TENM2: variants seen among roughly 807,000 people sequenced by gnomAD.
The protein encoded by TENM2 is teneurin transmembrane protein 2.
In TENM2, 52 loss-of-function variants were observed where a neutral mutation model predicts 245.2. The observed-to-expected ratio is 0.21, with a 90% CI of 0.17 to 0.27. The LOEUF (loss-of-function observed/expected upper bound fraction) is 0.27. Ranked by LOEUF, TENM2 falls within the 10% of genes least tolerant of loss-of-function variation. The pLI is 1.00. For synonymous variants in TENM2, 1,363 were observed against 1,438.9 expected (o/e 0.95, Z 1.19); for missense variants, 3,046 against 3,666.8 (o/e 0.83, Z 4.37).
chr5:167,353,340 G>GGA (rs1368511013), intron 1 of TENM2, among the ~76,000 whole-genome samples: 6 of 143,882 alleles, frequency 4.2e-5, no homozygotes, highest in Admixed American at 2.2e-4. Flanking sequence ...TGGTGGGGGT[G>GGA]CAGAAAGTTT....
chr5:167,223,823 CT>C, the TENM2 span, among the ~76,000 whole-genome samples: 32,254 of 152,034 alleles, frequency 0.21, 4,102 homozygotes, highest in African/African-American at 0.36. Flanking sequence ...TATATGTTCC[CT>C]TTTCCCCACA....
chr5:167,549,740 T>C (rs1271407795), intron 2 of TENM2, among the ~76,000 whole-genome samples: 1 of 152,202 alleles, frequency 6.6e-6, no homozygotes, highest in Admixed American at 6.5e-5. Context: ...CTTTGTGATG[T>C]GTTAGCTGTT....
chr5:167,372,485 A>G (rs1760498117), intron 1 of TENM2, among the ~76,000 whole-genome samples: 1 of 152,186 alleles, frequency 6.6e-6, no homozygotes, highest in South Asian at 2.1e-4. Context: ...AGTGCTCTTC[A>G]CAAAGCCTCC....
chr5:167,000,426 C>T, the TENM2 span, among the ~76,000 whole-genome samples: 11 of 152,204 alleles, frequency 7.2e-5, no homozygotes, highest in African/African-American at 2.2e-4. Flanking sequence ...TAATTGGGAA[C>T]GTATTTGAAA....
At chr5:167,021,779 A>G in the TENM2 span, among the ~76,000 whole-genome samples, 269 of 152,322 alleles carry the variant, frequency 1.8e-3, no homozygotes, top group African/African-American at 6.0e-3. Context: ...CTCTGGAGCC[A>G]GAACATCTGG....
chr5:168,126,971 A>G lies in TENM2; in HGVS notation c.2422+5A>G, dbSNP rs1795897213. ...AAACGGCAGGCACCGAAACAGGCAC[A>G]TATTGCTTTATTTTCATAAATTGTA... On this transcript the variant is annotated splice_donor_5th_base_variant and intron_variant, in intron 12 of 28. Coordinates refer to ENST00000518659, the Ensembl canonical transcript of TENM2. 6.3e-7 allele frequency: 1 copy of G among 1,593,248 alleles called. No homozygotes were observed. The highest frequency in any genetic ancestry group is 8.5e-7 in the Non-Finnish European group (1 of 1,169,982).
intron 7 of TENM2, among the ~76,000 whole-genome samples, chr5:168,069,981 TA>T (rs1305554384): frequency 6.6e-6 from 1 of 152,144 alleles, no homozygotes; most frequent in Non-Finnish European, 1.5e-5. Context: ...AGGGTGATTA[TA>T]AAAAACGTAA....
Position 168,219,834 on chromosome 5 carries a change from A to AAAAAAAAAAAAAAAAG in TENM2, c.5108+836_5108+851dup, listed in dbSNP as rs1763510321. 1.3e-5 allele frequency among the ~76,000 whole-genome samples: 2 copies of AAAAAAAAAAAAAAAAG among 150,608 alleles called. 1 individual carries two copies. The highest frequency in any genetic ancestry group is 4.9e-5 in the African/African-American group (2 of 40,934). ...GGAGAGTTGGCACAGCAAAAAAAAA[A>AAAAAAAAAAAAAAAAG]AAAAAAAAAAAAAAAGCGGGGGACA... On this transcript the variant is annotated intron_variant, in intron 23 of 28. Coordinates refer to ENST00000518659, the Ensembl canonical transcript of TENM2.
chr5:167,587,302 GA>G (rs1384409340), intron 2 of TENM2, among the ~76,000 whole-genome samples: 1 of 152,142 alleles, frequency 6.6e-6, no homozygotes, highest in African/African-American at 2.4e-5. Flanking sequence ...GGTTTAAATA[GA>G]ATTTTCAATA....
chr5:167,606,880 CTTAA>C (rs1483052657), intron 2 of TENM2, among the ~76,000 whole-genome samples: 3 of 152,132 alleles, frequency 2.0e-5, no homozygotes, highest in African/African-American at 7.2e-5. Flanking sequence ...TCATTTTCAC[CTTAA>C]TTAACCCACT....
chr5:167,219,716 C>T, the TENM2 span, among the ~76,000 whole-genome samples: 1 of 152,158 alleles, frequency 6.6e-6, no homozygotes, highest in African/African-American at 2.4e-5. Flanking sequence ...TTGAAATTTG[C>T]CTGAAAAGGC....
At chr5:167,275,060 GTTGT>G in the TENM2 span, among the ~76,000 whole-genome samples, 2 of 151,718 alleles carry the variant, frequency 1.3e-5, no homozygotes, top group African/African-American at 4.8e-5. Flanking sequence ...GGAGTTTTTT[GTTGT>G]TTGTTTCTTT....
chr5:167,232,100 A>G, the TENM2 span, among the ~76,000 whole-genome samples: 31,658 of 152,076 alleles, frequency 0.21, 3,856 homozygotes, highest in African/African-American at 0.34. Context: ...GGAAACACCT[A>G]GATGTCTAGG....
intron 1 of TENM2, among the ~76,000 whole-genome samples, chr5:167,298,930 T>C (rs1005117786): frequency 1.3e-5 from 2 of 151,860 alleles, no homozygotes; most frequent in African/African-American, 4.8e-5. Context: ...GGATGACAAG[T>C]TTTTGGGGGC....
intron 2 of TENM2, among the ~76,000 whole-genome samples, chr5:167,558,904 A>T (rs868358399): frequency 1.8e-4 from 28 of 152,120 alleles, no homozygotes; most frequent in African/African-American, 6.5e-4. Flanking sequence ...AACTGAGTAC[A>T]TATCAATTAG....
intron 2 of TENM2, among the ~76,000 whole-genome samples, chr5:167,792,643 C>A (rs1182880881): frequency 6.6e-6 from 1 of 151,206 alleles, no homozygotes; most frequent in Non-Finnish European, 1.5e-5. Flanking sequence ...GCTAGTGTTT[C>A]ACACAGTAGA....
At chr5:168,003,982 G>C (rs998566251) in intron 5 of TENM2, among the ~76,000 whole-genome samples, 6 of 152,200 alleles carry the variant, frequency 3.9e-5, no homozygotes, top group African/African-American at 1.4e-4. Context: ...ACGTAATTCA[G>C]CTACAACCCT....
intron 25 of TENM2, among the ~76,000 whole-genome samples, chr5:168,228,381 C>CATT (rs1272924630): frequency 2.6e-5 from 4 of 152,322 alleles, no homozygotes; most frequent in East Asian, 3.9e-4. Context: ...TCTCCATTTC[C>CATT]ATTTCCTAGG....
intron 6 of TENM2, among the ~76,000 whole-genome samples, chr5:168,050,322 A>G (rs1391640744): frequency 6.6e-6 from 1 of 152,190 alleles, no homozygotes; most frequent in Non-Finnish European, 1.5e-5. Context: ...ATCAAAAGTG[A>G]CCTTGGGTTT....
Sources: allele counts gnomAD v4.1 joint callset (sites outside exome capture counted in the v4.1 genomes callset), GRCh38; gene constraint gnomAD v4.1.1; transcripts MANE v1.5; gene names NCBI Gene and HGNC (gene_info 2026-07-23, HGNC 2026-07-21).